RSRC1: variants seen among roughly 807,000 people sequenced by gnomAD.
RSRC1 encodes arginine and serine rich coiled-coil 1.
RSRC1 carries 39 observed loss-of-function variants against 49.1 expected under a neutral mutation model. The observed-to-expected ratio is 0.79, with a 90% CI of 0.61 to 1.04. RSRC1 has a LOEUF of 1.04. Among genes scored for constraint, RSRC1 ranks in the 50% least tolerant of loss-of-function variants. RSRC1 has a pLI of 0.00. For missense variants in RSRC1, 388 were observed against 402.4 expected, an observed-to-expected ratio of 0.96 and a Z score of 0.31; for synonymous variants, 143 against 130.8, an observed-to-expected ratio of 1.09 and a Z score of -0.63.
chr3:158,342,856 G>A (rs1233314683), intron 5 of RSRC1, among the ~76,000 whole-genome samples: 1 of 152,140 alleles, frequency 6.6e-6, no homozygotes, highest in African/African-American at 2.4e-5. Flanking sequence ...AAAAAAATGA[G>A]GTGATTCCTA....
intron 1 of RSRC1, among the ~76,000 whole-genome samples, chr3:158,118,225 C>T (rs899625023): frequency 3.9e-5 from 6 of 152,178 alleles, no homozygotes; most frequent in African/African-American, 1.4e-4. Flanking sequence ...GCTGGGATTA[C>T]AGGCGTGAGC....
At chr3:158,166,502 T>C (rs188006138) in intron 3 of RSRC1, among the ~76,000 whole-genome samples, 1 of 152,190 alleles carries the variant, frequency 6.6e-6, no homozygotes, top group African/African-American at 2.4e-5. Flanking sequence ...CCTTTTGTTA[T>C]GAAAAATGTG....
intron 4 of RSRC1, among the ~76,000 whole-genome samples, chr3:158,263,556 T>C (rs760561108): frequency 1.3e-5 from 2 of 152,168 alleles, no homozygotes; most frequent in East Asian, 1.9e-4. Flanking sequence ...TTGGGAAATA[T>C]TTCCTTTTCA....
intron 3 of RSRC1, among the ~76,000 whole-genome samples, chr3:158,137,400 TTAAATA>T (rs1341361756): frequency 2.7e-5 from 2 of 74,940 alleles, no homozygotes; most frequent in African/African-American, 1.5e-4. Context: ...ACTGACCCAA[TTAAATA>T]TATATATATA....
intron 1 of RSRC1, among the ~76,000 whole-genome samples, chr3:158,111,635 G>A (rs1377116851): frequency 6.6e-6 from 1 of 152,134 alleles, no homozygotes; most frequent in Non-Finnish European, 1.5e-5. Context: ...TTCTTAATAT[G>A]TTAGTTTTCA....
At chr3:158,387,609 G>A (rs1238894746) in intron 6 of RSRC1, among the ~76,000 whole-genome samples, 1 of 152,010 alleles carries the variant, frequency 6.6e-6, no homozygotes, top group East Asian at 1.9e-4. Context: ...TAATATCTTT[G>A]TTAATAATTT....
At chr3:158,258,422 A>G (rs1415813131) in intron 4 of RSRC1, among the ~76,000 whole-genome samples, 1 of 151,540 alleles carries the variant, frequency 6.6e-6, no homozygotes, top group African/African-American at 2.4e-5. Context: ...CACCAGATGT[A>G]TTGGAGCTCC....
At chr3:158,251,862 A>G (rs1342711026) in intron 4 of RSRC1, among the ~76,000 whole-genome samples, 1 of 152,164 alleles carries the variant, frequency 6.6e-6, no homozygotes, top group Non-Finnish European at 1.5e-5. Flanking sequence ...GTTGAGTAAC[A>G]GTGGTGAATG....
intron 4 of RSRC1, among the ~76,000 whole-genome samples, chr3:158,256,862 G>T (rs936141840): frequency 6.6e-5 from 10 of 152,094 alleles, no homozygotes; most frequent in African/African-American, 2.4e-4. Flanking sequence ...TTGTGTAGAG[G>T]TGTTTATAGT....
At chr3:158,153,504 C>A (rs1717678301) in intron 3 of RSRC1, among the ~76,000 whole-genome samples, 1 of 152,156 alleles carries the variant, frequency 6.6e-6, no homozygotes, top group Admixed American at 6.5e-5. Context: ...CAGGGTAATG[C>A]TGTAACTTAA....
intron 6 of RSRC1, among the ~76,000 whole-genome samples, chr3:158,374,821 A>G (rs1732268255): frequency 6.6e-6 from 1 of 152,140 alleles, no homozygotes; most frequent in Non-Finnish European, 1.5e-5. Flanking sequence ...AATACTTTGT[A>G]TGTAGTCATT....
At chr3:158,238,398 C>T (rs992520674) in intron 4 of RSRC1, among the ~76,000 whole-genome samples, 7 of 152,196 alleles carry the variant, frequency 4.6e-5, no homozygotes, top group East Asian at 1.9e-4. Flanking sequence ...AAAAAGAACC[C>T]GCATCTCCAA....
intron 4 of RSRC1, among the ~76,000 whole-genome samples, chr3:158,215,628 G>A (rs1427989106): frequency 6.6e-6 from 1 of 151,326 alleles, no homozygotes; most frequent in East Asian, 1.9e-4. Flanking sequence ...TAATTTCTCT[G>A]TTGTATTTTT....
intron 6 of RSRC1, among the ~76,000 whole-genome samples, chr3:158,367,128 C>G (rs975917662): frequency 6.6e-6 from 1 of 151,920 alleles, no homozygotes; most frequent in African/African-American, 2.4e-5. Context: ...ATTTGAATAC[C>G]CTTTCTTTCT....
At chr3:158,236,183 G>A (rs986446110) in intron 4 of RSRC1, among the ~76,000 whole-genome samples, 6 of 151,868 alleles carry the variant, frequency 4.0e-5, no homozygotes, top group Non-Finnish European at 5.9e-5. Context: ...GAATACAAAG[G>A]TAATTCAATA....
intron 3 of RSRC1, among the ~76,000 whole-genome samples, chr3:158,128,539 A>G (rs963578288): frequency 6.6e-6 from 1 of 152,128 alleles, no homozygotes; most frequent in African/African-American, 2.4e-5. Context: ...ATTTTAAACT[A>G]ATTTTAGACT....
chr3:158,313,234 A>C (rs959272237), intron 5 of RSRC1, among the ~76,000 whole-genome samples: 2 of 151,938 alleles, frequency 1.3e-5, no homozygotes, highest in Admixed American at 1.3e-4. Flanking sequence ...TTACTTAACC[A>C]TATTATTGTG....
At chr3:158,143,098 A>G (rs958295951) in intron 3 of RSRC1, among the ~76,000 whole-genome samples, 1 of 152,166 alleles carries the variant, frequency 6.6e-6, no homozygotes, top group Non-Finnish European at 1.5e-5. Context: ...GATTATCTCT[A>G]CCTCCAGAAG....
At chr3:158,382,227 A>G (rs2108282166) in intron 6 of RSRC1, among the ~76,000 whole-genome samples, 1 of 152,282 alleles carries the variant, frequency 6.6e-6, no homozygotes, top group South Asian at 2.1e-4. Flanking sequence ...AATAACATCC[A>G]TGGAGCTGTC....
Sources: allele counts gnomAD v4.1 joint callset (sites outside exome capture counted in the v4.1 genomes callset), GRCh38; gene constraint gnomAD v4.1.1; transcripts MANE v1.5; gene names NCBI Gene and HGNC (gene_info 2026-07-23, HGNC 2026-07-21).